The following ARID2 variants were observed in gnomAD, a reference collection of about 807,000 sequenced individuals.
ARID2 encodes AT-rich interactive domain-containing protein 2.
ARID2 carries 32 observed loss-of-function variants against 184.6 expected under a neutral mutation model. The ratio of observed to expected loss-of-function variants is 0.17; its 90% CI spans 0.13 to 0.23. The LOEUF is 0.23. Among genes scored for constraint, ARID2 ranks in the 10% least tolerant of loss-of-function variants. The probability of loss-of-function intolerance (pLI) is 1.00; values close to 1 mark genes in which losing one functional copy is unlikely to be tolerated. For synonymous variants in ARID2, 836 were observed against 772.6 expected, an observed-to-expected ratio of 1.08 and a Z score of -1.36; for missense variants, 1,696 against 2,197.6, an observed-to-expected ratio of 0.77 and a Z score of 4.56.
intron 6 of ARID2, among the ~76,000 whole-genome samples, chr12:45,830,349 A>G (rs978864228): frequency 2.0e-5 from 3 of 152,140 alleles, no homozygotes; most frequent in South Asian, 4.1e-4. Context: ...TAATTTCTTC[A>G]TTGATTTTCG....
chr12:45,839,397 C>T lies in ARID2; in HGVS notation c.1399C>T (p.Leu467Phe), dbSNP rs748428823. ...FGPDALAAVKLIEHPSSSHQM... is the reference protein window; with the variant it reads ...FGPDALAAVKFIEHPSSSHQM... ...CCCTGATGCACTAGCTGCGGTAAAA[C>T]TCATTGAACACCCAAGTTCCAGTCA... Residue 467 changes from leucine to phenylalanine, a missense_variant, in exon 11 of 21, where the codon CTC (leucine) becomes TTC (phenylalanine). Around this residue, in one of 11 missense-constraint regions of ARID2, gnomAD observed 86 missense variants for 200.8 expected, o/e 0.43. Coordinates refer to ENST00000334344, the MANE Select transcript of ARID2 (RefSeq NM_152641.4). 3 of 1,613,990 alleles carry T rather than the reference C, an allele frequency of 1.9e-6. No individual in the cohort carries two copies. Among genetic ancestry groups the T allele is most frequent in the African/African-American group, 2.7e-5 (2 of 74,910 alleles).
At chr12:45,795,366 C>T (rs1156495597) in intron 3 of ARID2, among the ~76,000 whole-genome samples, 4 of 152,126 alleles carry the variant, frequency 2.6e-5, no homozygotes, top group Non-Finnish European at 4.4e-5. Context: ...TGATAACTCT[C>T]TTATAGTATC....
At chr12:45,849,116 G>T (rs1044198340) in intron 13 of ARID2, 146 bp downstream of exon 13, 2 of 840,400 alleles carry the variant, frequency 2.4e-6, no homozygotes, top group Non-Finnish European at 3.4e-6. Flanking sequence ...TGTGGTGGAG[G>T]TTTAAATAAA....
At chr12:45,743,552 A>G (rs1466327574) in intron 3 of ARID2, among the ~76,000 whole-genome samples, 1 of 152,100 alleles carries the variant, frequency 6.6e-6, no homozygotes, top group Non-Finnish European at 1.5e-5. Context: ...ACATGTTTTC[A>G]TCTTTGATAG....
intron 3 of ARID2, among the ~76,000 whole-genome samples, chr12:45,785,396 A>G (rs907965570): frequency 5.9e-5 from 9 of 152,194 alleles, no homozygotes; most frequent in Non-Finnish European, 1.2e-4. Context: ...GGATTCGGTT[A>G]GGATTGATGT....
rs12829013 is a variant in ARID2, at chr12:45,743,789, T to C, written c.284+12475T>C. Among the ~76,000 whole-genome samples the C allele has an allele frequency of 4.6e-5, 7 of 152,330 alleles. No homozygotes were observed. The South Asian group carries it at 1.0e-3, about 23-fold the overall frequency. ...TTCCACTTGTTCACATCTTTTTGTG[T>C]CATTCAGAGCCTAAAGTTTTCTTTA... is the stretch of plus-strand genomic sequence containing the variant. On this transcript the variant is annotated intron_variant, in intron 3 of 20. Coordinates refer to ENST00000334344, the MANE Select transcript of ARID2 (RefSeq NM_152641.4).
chr12:45,749,650 T>C (rs1403748012), intron 3 of ARID2, among the ~76,000 whole-genome samples: 5 of 152,228 alleles, frequency 3.3e-5, no homozygotes, highest in Admixed American at 2.6e-4. Context: ...TTGTTTAGTG[T>C]AGCCAGTTCT....
chr12:45,882,271 C>A (rs1944118788), intron 16 of ARID2: 1 of 152,118 alleles, frequency 6.6e-6, no homozygotes, highest in South Asian at 2.1e-4. Context: ...GTGATTATTC[C>A]CATAAGTCAA....
At chr12:45,770,546 G>A (rs1192601818) in intron 3 of ARID2, among the ~76,000 whole-genome samples, 2 of 152,164 alleles carry the variant, frequency 1.3e-5, no homozygotes, top group Non-Finnish European at 2.9e-5. Context: ...CGAGAAGAAT[G>A]GGGATACACT....
intron 16 of ARID2, among the ~76,000 whole-genome samples, chr12:45,873,568 A>G (rs891212715): frequency 6.6e-6 from 1 of 152,142 alleles, no homozygotes; most frequent in Non-Finnish European, 1.5e-5. Flanking sequence ...ACTTTCAAAC[A>G]ATAGTACAGG....
chr12:45,793,631 TCCC>T (rs948985859), intron 3 of ARID2, among the ~76,000 whole-genome samples: 2 of 151,502 alleles, frequency 1.3e-5, no homozygotes, highest in African/African-American at 4.8e-5. Context: ...TATATTTAAA[TCCC>T]AGAGGACAAT....
At chr12:45,891,066 G>A (rs1017978408) in intron 16 of ARID2, among the ~76,000 whole-genome samples, 1 of 151,774 alleles carries the variant, frequency 6.6e-6, no homozygotes, top group African/African-American at 2.4e-5. Flanking sequence ...TCGGGAGGCT[G>A]AAGCAGAAGA....
intron 3 of ARID2, among the ~76,000 whole-genome samples, chr12:45,760,647 G>T (rs1184824983): frequency 6.6e-6 from 1 of 151,904 alleles, no homozygotes; most frequent in East Asian, 1.9e-4. Flanking sequence ...GTATATATGT[G>T]TATCTGTGTA....
chr12:45,880,216 G>GCTTA (rs939287306), intron 16 of ARID2, among the ~76,000 whole-genome samples: 1 of 152,066 alleles, frequency 6.6e-6, no homozygotes, highest in African/African-American at 2.4e-5. Flanking sequence ...TCCCTTAAGA[G>GCTTA]GAATAAAATC....
chr12:45,852,266 T>G lies in ARID2; in HGVS notation c.4143T>G (p.Thr1381=), dbSNP rs146664069. The G allele has an allele frequency of 1.9e-6, 3 of 1,614,072 alleles. No homozygotes were observed. Among genetic ancestry groups the G allele is most frequent in the Non-Finnish European group, 2.5e-6 (3 of 1,179,998 alleles). The change falls in exon 15 of 21, where the codon ACT becomes ACG. Residue 1381 remains threonine, a synonymous_variant. Transcript: ENST00000334344. ...GCAAAAACATTCCAAATCATAAAAC[T>G]TCCAATCATGTAGGAAATGGTGAGA... ...HLSKNIPNHK[T]SNHVGNGEIS... is the part of the protein sequence containing the mutation.
intron 3 of ARID2, among the ~76,000 whole-genome samples, chr12:45,752,327 C>A (rs1405910220): frequency 6.6e-6 from 1 of 152,150 alleles, no homozygotes; most frequent in Admixed American, 6.5e-5. Flanking sequence ...AATCTTAGCT[C>A]CTTAAAAACA....
chr12:45,802,469 T>C (rs1427801333), intron 3 of ARID2, among the ~76,000 whole-genome samples: 1 of 152,236 alleles, frequency 6.6e-6, no homozygotes, highest in South Asian at 2.1e-4. Context: ...ATGTTCCATA[T>C]TGCGTGAATT....
At chr12:45,853,015 G>A (rs1943585496) in intron 15 of ARID2, 119 bp downstream of exon 15, 1 of 1,378,244 alleles carries the variant, frequency 7.3e-7, no homozygotes, top group African/African-American at 1.5e-5. Flanking sequence ...CAGCTCACTT[G>A]TATCCAACCT....
intron 6 of ARID2, among the ~76,000 whole-genome samples, chr12:45,834,891 A>G (rs1469725507): frequency 6.6e-6 from 1 of 152,006 alleles, no homozygotes; most frequent in African/African-American, 2.4e-5. Context: ...TGCTTCTGAA[A>G]TATATAGGTT....
Sources: gnomAD v4.1 joint callset for allele counts (sites outside exome capture counted in the v4.1 genomes callset) on GRCh38, gnomAD v4.1.1 for gene constraint, gnomAD v4.1.1 regional missense constraint, MANE v1.5 for transcripts, NCBI Gene and HGNC (gene_info 2026-07-23, HGNC 2026-07-21) for gene names.